Variants in OTOGL observed in about 807,000 individuals in gnomAD.
OTOGL encodes the protein otogelin-like protein.
Under a neutral mutation model 318.5 loss-of-function variants are expected in OTOGL, and 285 were observed. The ratio of observed to expected loss-of-function variants is 0.89; its 90% CI spans 0.81 to 0.99. The LOEUF (loss-of-function observed/expected upper bound fraction) is 0.99. Ranked by LOEUF, OTOGL falls within the 50% of genes least tolerant of loss-of-function variation. The pLI, the probability that OTOGL is intolerant of heterozygous loss-of-function variation, is 0.00. For missense variants in OTOGL, 2,899 were observed against 2,845.6 expected, an observed-to-expected ratio of 1.02 and a Z score of -0.43; for synonymous variants, 987 against 936.5, an observed-to-expected ratio of 1.05 and a Z score of -0.99.
At chr12:80,158,751 C>T (rs1350002990) in intron 1 of OTOGL, among the ~76,000 whole-genome samples, 1 of 151,978 alleles carries the variant, frequency 6.6e-6, no homozygotes, top group Non-Finnish European at 1.5e-5. Flanking sequence ...TTAGGGTTTT[C>T]TAAGTATACG....
At chr12:80,253,382 A>C (rs1336864390) in intron 13 of OTOGL, 84 bp from the exon 14 acceptor site, 10 of 1,257,704 alleles carry the variant, frequency 8.0e-6, no homozygotes, top group Non-Finnish European at 1.0e-5. Context: ...GGTATTCAAC[A>C]GAAGTTGGTT....
chr12:80,166,241 T>C (rs968718796), intron 1 of OTOGL, among the ~76,000 whole-genome samples: 2 of 151,802 alleles, frequency 1.3e-5, no homozygotes, highest in Non-Finnish European at 2.9e-5. Flanking sequence ...TCCCTTTCTT[T>C]CATTCTTTCT....
At position 80,377,853 on chromosome 12, in the gene OTOGL, T is replaced by A. The variant is rs1282883237; in HGVS notation, c.6867T>A (p.Asn2289Lys). ...CTCATTGTCACTTCTTACAGATAAA[T>A]GTTGCATCTTGTGACGGCAAATGCC... ...KQDCMSQSPINVASCDGKCPS... is the reference protein window; with the variant it reads ...KQDCMSQSPIKVASCDGKCPS... Residue 2289 changes from asparagine to lysine, a missense_variant, in exon 59 of 59, where the codon AAT (asparagine) becomes AAA (lysine). By Grantham distance (94) the Asn-to-Lys change is moderately conservative (BLOSUM62 0). Coordinates refer to ENST00000547103, the MANE Select transcript of OTOGL (RefSeq NM_001378609.3). 1 of 1,604,832 alleles carries A rather than the reference T, an allele frequency of 6.2e-7. No homozygotes were observed. Among genetic ancestry groups the A allele is most frequent in the Non-Finnish European group, 8.5e-7 (1 of 1,173,112 alleles).
chr12:80,292,399 C>A (rs1012935613), intron 26 of OTOGL, among the ~76,000 whole-genome samples: 2 of 152,222 alleles, frequency 1.3e-5, no homozygotes, highest in African/African-American at 4.8e-5. Context: ...ATGCAGTTAA[C>A]TCTTGTTCTG....
chr12:80,254,422 C>A, intron 14 of OTOGL, 102 bp from the exon 15 acceptor site: 2 of 713,418 alleles, frequency 2.8e-6, no homozygotes, highest in East Asian at 2.8e-5. Context: ...TATTCTGAAC[C>A]TATAAACATG....
At chr12:80,338,813 G>A (rs1592725949) in intron 42 of OTOGL, among the ~76,000 whole-genome samples, 2 of 151,942 alleles carry the variant, frequency 1.3e-5, no homozygotes, top group South Asian at 4.1e-4. Context: ...ACATAGAAGT[G>A]TACATAACAT....
At chr12:80,305,273 T>C (rs1886033387) in intron 28 of OTOGL, among the ~76,000 whole-genome samples, 1 of 152,316 alleles carries the variant, frequency 6.6e-6, no homozygotes, top group Middle Eastern at 3.4e-3. Context: ...ATATGTACTG[T>C]CTTGTTTGAA....
chr12:80,307,996 G>A (rs1287742819), intron 29 of OTOGL, among the ~76,000 whole-genome samples: 5 of 139,272 alleles, frequency 3.6e-5, no homozygotes, highest in African/African-American at 1.1e-4. Flanking sequence ...AGGGGCGGCC[G>A]GGCAGAGGCG....
intron 1 of OTOGL, among the ~76,000 whole-genome samples, chr12:80,203,497 G>A (rs1487172787): frequency 6.6e-6 from 1 of 152,124 alleles, no homozygotes; most frequent in Non-Finnish European, 1.5e-5. Flanking sequence ...TTGAGGGGGT[G>A]GAGGGCAGCA....
Position 80,232,985 on chromosome 12 carries a change from G to C in OTOGL, c.705G>C (p.Trp235Cys), listed in dbSNP as rs578088338. 1 of 1,598,810 alleles carries C rather than the reference G, an allele frequency of 6.3e-7. No individual in the cohort carries two copies. Among genetic ancestry groups the C allele is most frequent in the East Asian group, 2.2e-5 (1 of 44,868 alleles). Reference sequence around the variant, plus strand: ...CAACCTTTGGCTTTTCATTGGCTTGGGACGGGATATCTGGGATCTACCTCA... The same window carrying C: ...CAACCTTTGGCTTTTCATTGGCTTGCGACGGGATATCTGGGATCTACCTCA... Reference protein sequence around the residue: ...VKTTFGFSLAWDGISGIYLKL... With the variant: ...VKTTFGFSLACDGISGIYLKL... The change falls in exon 9 of 59, where the codon TGG (tryptophan) becomes TGC (cysteine). Residue 235 changes from tryptophan (W) to cysteine (C), a missense_variant. Transcript: ENST00000547103.
Position 80,310,705 on chromosome 12 carries a change from T to G in OTOGL, c.3428T>G (p.Ile1143Ser). 6.3e-7 allele frequency: 1 copy of G among 1,584,864 alleles called. No individual in the cohort carries two copies. The highest frequency in any genetic ancestry group is 1.7e-5 in the Admixed American group (1 of 59,926). The change falls in exon 30 of 59, where the codon ATT becomes AGT. Residue 1143 changes from isoleucine (I) to serine (S), a missense_variant. Around this residue, in one of 3 missense-constraint regions of OTOGL, gnomAD observed 2,607 missense variants for 2,524.9 expected, o/e 1.03. Coordinates refer to ENST00000547103, the MANE Select transcript of OTOGL (RefSeq NM_001378609.3). ...GAATGCTCCATTTTGTACAGTGATA[T>G]TTTTGCTTCTTGTCGCAATGTGGTA... Reference protein sequence around the residue: ...KKECSILYSDIFASCRNVIDV... With the variant: ...KKECSILYSDSFASCRNVIDV...
chr12:80,279,259 T>C, intron 26 of OTOGL, 93 bp downstream of exon 26: 1 of 1,253,868 alleles, frequency 8.0e-7, no homozygotes. Context: ...AATTCATGTG[T>C]TATTTATAAA....
At chr12:80,212,062 T>A in intron 4 of OTOGL, 65 bp downstream of exon 4, 1 of 1,432,410 alleles carries the variant, frequency 7.0e-7, no homozygotes, top group South Asian at 1.2e-5. Context: ...GACTCTGCTG[T>A]CACTTCAACA....
At chr12:80,270,265 T>C in intron 23 of OTOGL, 111 bp downstream of exon 23, 1 of 843,426 alleles carries the variant, frequency 1.2e-6, no homozygotes, top group Non-Finnish European at 1.9e-6. Context: ...GGCTATAGCC[T>C]TGGGAATGTT....
chr12:80,176,265 G>T (rs1874519485), intron 1 of OTOGL, among the ~76,000 whole-genome samples: 1 of 152,100 alleles, frequency 6.6e-6, no homozygotes, highest in Admixed American at 6.6e-5. Context: ...ATTTACATAT[G>T]TTAAACTGCA....
intron 1 of OTOGL, among the ~76,000 whole-genome samples, chr12:80,136,055 A>C (rs757424475): frequency 6.6e-6 from 1 of 152,234 alleles, no homozygotes. Context: ...ATGTCTGTCT[A>C]TAGCTGTCTA....
intron 22 of OTOGL, 47 bp from the exon 23 acceptor site, chr12:80,270,055 A>G: frequency 7.0e-7 from 1 of 1,420,750 alleles, no homozygotes; most frequent in Non-Finnish European, 9.7e-7. Context: ...GAAAAAAAAA[A>G]AAACAACAGA....
chr12:80,211,349 A>G (rs1432073521), intron 3 of OTOGL, among the ~76,000 whole-genome samples: 1 of 152,142 alleles, frequency 6.6e-6, no homozygotes, highest in African/African-American at 2.4e-5. Context: ...GACTAAACTG[A>G]TCTGCTTAAT....
intron 1 of OTOGL, among the ~76,000 whole-genome samples, chr12:80,173,196 G>A (rs1247057604): frequency 2.0e-5 from 3 of 151,306 alleles, no homozygotes; most frequent in African/African-American, 7.3e-5. Flanking sequence ...TAAAGGGAGA[G>A]CAAGTTTATT....
Sources: allele counts gnomAD v4.1 joint callset (sites outside exome capture counted in the v4.1 genomes callset), GRCh38; gene constraint gnomAD v4.1.1; regional missense constraint gnomAD v4.1.1; transcripts MANE v1.5; gene names NCBI Gene and HGNC (gene_info 2026-07-23, HGNC 2026-07-21).